The following IMMP2L variants were observed in gnomAD, a reference collection of about 807,000 sequenced individuals.
The protein encoded by IMMP2L is mitochondrial inner membrane protease subunit 2.
A neutral mutation model predicts 19.3 loss-of-function variants in IMMP2L; 18 were observed. That is an observed-to-expected ratio of 0.93 (90% confidence interval 0.64 to 1.38). IMMP2L has a LOEUF of 1.38. Among genes scored for constraint, IMMP2L ranks in the 40% most tolerant of loss-of-function variants. IMMP2L has a pLI of 0.00. For synonymous variants in IMMP2L, 76 were observed against 73.0 expected, an observed-to-expected ratio of 1.04 and a Z score of -0.21; for missense variants, 233 against 218.2, an observed-to-expected ratio of 1.07 and a Z score of -0.43.
chr7:111,297,733 A>T (rs975856092), intron 3 of IMMP2L, among the ~76,000 whole-genome samples: 1 of 152,170 alleles, frequency 6.6e-6, no homozygotes, highest in Admixed American at 6.6e-5. Flanking sequence ...CAGAAATAAA[A>T]AGAAATGAAC....
intron 1 of IMMP2L, among the ~76,000 whole-genome samples, chr7:111,556,018 G>GTGTGTGTGTATATATATATATATATA (rs777862357): frequency 4.6e-4 from 42 of 91,372 alleles, no homozygotes; most frequent in African/African-American, 1.4e-3. Context: ...CTGTGTGCAT[G>GTGTGTGTGTATATATATATATATATA]TATATATATA....
intron 3 of IMMP2L, among the ~76,000 whole-genome samples, chr7:111,052,313 A>G (rs529366740): frequency 5.3e-4 from 80 of 152,302 alleles, no homozygotes; most frequent in African/African-American, 1.8e-3. Flanking sequence ...GACATTTACC[A>G]TCTATTCTCT....
At chr7:111,416,517 T>G (rs765957801) in intron 3 of IMMP2L, among the ~76,000 whole-genome samples, 15 of 151,976 alleles carry the variant, frequency 9.9e-5, no homozygotes, top group Middle Eastern at 3.4e-3. Context: ...AATAATCCAC[T>G]TTCCCTCTGT....
At chr7:110,665,274 G>C (rs1376754943) in intron 5 of IMMP2L, among the ~76,000 whole-genome samples, 13 of 152,168 alleles carry the variant, frequency 8.5e-5, no homozygotes, top group Admixed American at 7.9e-4. Flanking sequence ...CATTTTATGT[G>C]TATGTACATA....
intron 3 of IMMP2L, among the ~76,000 whole-genome samples, chr7:111,481,697 T>G (rs900109785): frequency 6.6e-6 from 1 of 152,144 alleles, no homozygotes; most frequent in East Asian, 1.9e-4. Context: ...TTATTACCTA[T>G]CTTTAGAAGT....
chr7:111,173,860 C>A (rs1330946618), intron 3 of IMMP2L, among the ~76,000 whole-genome samples: 2 of 151,634 alleles, frequency 1.3e-5, no homozygotes, highest in African/African-American at 4.8e-5. Context: ...AAGAAAATCA[C>A]AAGCAAATAT....
intron 3 of IMMP2L, among the ~76,000 whole-genome samples, chr7:111,142,488 T>A (rs1045114957): frequency 2.6e-5 from 4 of 152,078 alleles, no homozygotes; most frequent in African/African-American, 9.7e-5. Flanking sequence ...TATACACATA[T>A]TGAAGTAATC....
At chr7:110,884,383 C>T (rs1424085659) in intron 5 of IMMP2L, among the ~76,000 whole-genome samples, 1 of 151,902 alleles carries the variant, frequency 6.6e-6, no homozygotes, top group Non-Finnish European at 1.5e-5. Context: ...ATGATATAAT[C>T]CAGTAAAATC....
chr7:110,996,256 T>C (rs77670010), intron 3 of IMMP2L, among the ~76,000 whole-genome samples: 155 of 151,964 alleles, frequency 1.0e-3, no homozygotes, highest in African/African-American at 3.5e-3. Context: ...ATATGAAGAG[T>C]AAGAAGGCTT....
At chr7:111,042,983 T>A (rs1379201637) in intron 3 of IMMP2L, among the ~76,000 whole-genome samples, 1 of 152,100 alleles carries the variant, frequency 6.6e-6, no homozygotes, top group East Asian at 1.9e-4. Context: ...AAACAATAAA[T>A]GTCAAAAGTG....
intron 5 of IMMP2L, among the ~76,000 whole-genome samples, chr7:110,848,357 G>C (rs1805874037): frequency 6.6e-6 from 1 of 152,048 alleles, no homozygotes; most frequent in African/African-American, 2.4e-5. Context: ...ACAACAATGA[G>C]ATACCACCAC....
intron 4 of IMMP2L, among the ~76,000 whole-genome samples, chr7:110,933,730 T>A (rs1815760211): frequency 6.6e-6 from 1 of 152,196 alleles, no homozygotes; most frequent in Non-Finnish European, 1.5e-5. Flanking sequence ...GAAAACTGGC[T>A]CTGATCCCAG....
At chr7:111,118,324 C>T (rs1800142579) in intron 3 of IMMP2L, among the ~76,000 whole-genome samples, 1 of 152,022 alleles carries the variant, frequency 6.6e-6, no homozygotes, top group Admixed American at 6.6e-5. Context: ...ATAAAGATCT[C>T]TTTACTAAGG....
chr7:110,677,753 T>G (rs1394329310), intron 5 of IMMP2L, among the ~76,000 whole-genome samples: 1 of 150,006 alleles, frequency 6.7e-6, no homozygotes, highest in Non-Finnish European at 1.5e-5. Context: ...AAAAAAAAAA[T>G]AGATAGAAAG....
chr7:111,171,155 C>T (rs1806401433), intron 3 of IMMP2L, among the ~76,000 whole-genome samples: 1 of 87,124 alleles, frequency 1.1e-5, no homozygotes, highest in South Asian at 4.5e-4. Flanking sequence ...CATGAGCATT[C>T]TTAGAGCCCT....
intron 3 of IMMP2L, among the ~76,000 whole-genome samples, chr7:110,985,502 CAG>C (rs1001179375): frequency 2.7e-4 from 41 of 152,196 alleles, no homozygotes; most frequent in African/African-American, 9.4e-4. Context: ...AACAAAGATG[CAG>C]AGTTTCACTA....
intron 5 of IMMP2L, among the ~76,000 whole-genome samples, chr7:110,687,777 G>A (rs1793219809): frequency 6.6e-6 from 1 of 151,784 alleles, no homozygotes. Context: ...TTCAAAGAGG[G>A]CCACAAAAAT....
intron 3 of IMMP2L, among the ~76,000 whole-genome samples, chr7:111,043,369 C>T (rs1179441585): frequency 6.6e-6 from 1 of 152,150 alleles, no homozygotes; most frequent in African/African-American, 2.4e-5. Context: ...TACTTAATGT[C>T]CCACCTTCCT....
intron 2 of IMMP2L, among the ~76,000 whole-genome samples, chr7:111,505,126 GA>G (rs1322627312): frequency 0.019 from 2,893 of 150,838 alleles, 86 homozygotes; most frequent in African/African-American, 0.067. Context: ...AAATTTACAA[GA>G]AAAAAAACAA....
Sources: gnomAD v4.1 joint callset for allele counts (sites outside exome capture counted in the v4.1 genomes callset) on GRCh38, gnomAD v4.1.1 for gene constraint, MANE v1.5 for transcripts, NCBI Gene and HGNC (gene_info 2026-07-23, HGNC 2026-07-21) for gene names.